Variants in MAML3 observed in about 807,000 individuals in gnomAD.
MAML3 encodes mastermind-like protein 3.
MAML3 carries 27 observed loss-of-function variants against 101.9 expected under a neutral mutation model. The ratio of observed to expected loss-of-function variants is 0.27; its 90% CI spans 0.20 to 0.37. The LOEUF (loss-of-function observed/expected upper bound fraction) is 0.37, where lower values mean the gene tolerates loss of function less well. Among genes scored for constraint, MAML3 ranks in the 10% least tolerant of loss-of-function variants. The pLI is 1.00. For missense variants in MAML3, 1,316 were observed against 1,444.9 expected (o/e 0.91, Z 1.45); for synonymous variants, 501 against 555.9 (o/e 0.90, Z 1.39).
chr4:139,818,604 T>C (rs75227754), intron 2 of MAML3, among the ~76,000 whole-genome samples: 5,956 of 152,262 alleles, frequency 0.039, 172 homozygotes, highest in Middle Eastern at 0.13. Context: ...CATCAAACAC[T>C]ACAGAATACC....
chr4:139,736,215 A>G (rs1314930970), intron 2 of MAML3, among the ~76,000 whole-genome samples: 1 of 152,184 alleles, frequency 6.6e-6, no homozygotes, highest in African/African-American at 2.4e-5. Flanking sequence ...TTTCGACGAA[A>G]TTGTATATAT....
chr4:139,799,786 A>C (rs187431943), intron 2 of MAML3, among the ~76,000 whole-genome samples: 1 of 152,298 alleles, frequency 6.6e-6, no homozygotes, highest in African/African-American at 2.4e-5. Flanking sequence ...TCAAGTGAGG[A>C]GGGCAAGGCA....
intron 1 of MAML3, among the ~76,000 whole-genome samples, chr4:140,107,573 C>T (rs922736543): frequency 6.6e-6 from 1 of 150,990 alleles, no homozygotes; most frequent in Non-Finnish European, 1.5e-5. Flanking sequence ...GGCGCGATCT[C>T]GGCTCACTGC....
At chr4:139,821,608 C>A (rs1017000760) in intron 2 of MAML3, among the ~76,000 whole-genome samples, 5 of 152,156 alleles carry the variant, frequency 3.3e-5, no homozygotes, top group African/African-American at 1.2e-4. Context: ...GTGGGGCACA[C>A]CTTTCTACCA....
At chr4:139,768,809 C>T (rs1405903674) in intron 2 of MAML3, among the ~76,000 whole-genome samples, 2 of 152,180 alleles carry the variant, frequency 1.3e-5, no homozygotes, top group East Asian at 3.9e-4. Context: ...TCTCTTGGAC[C>T]AACAGGAATG....
chr4:139,765,644 T>G (rs918803369), intron 2 of MAML3, among the ~76,000 whole-genome samples: 4 of 152,218 alleles, frequency 2.6e-5, no homozygotes, highest in African/African-American at 4.8e-5. Context: ...AAATCATAGC[T>G]TTTTTATTTG....
intron 2 of MAML3, among the ~76,000 whole-genome samples, chr4:139,754,937 G>A (rs1016314321): frequency 2.0e-5 from 3 of 152,248 alleles, no homozygotes; most frequent in Non-Finnish European, 4.4e-5. Flanking sequence ...AGGCATGGTC[G>A]GCCTCTGTTC....
intron 1 of MAML3, among the ~76,000 whole-genome samples, chr4:140,034,530 C>T (rs74597433): frequency 0.02 from 3,009 of 152,224 alleles, 100 homozygotes; most frequent in African/African-American, 0.068. Flanking sequence ...CTGAGGAGCA[C>T]CTCAACTCCC....
chr4:139,756,910 C>T (rs1292505850), intron 2 of MAML3, among the ~76,000 whole-genome samples: 1 of 152,164 alleles, frequency 6.6e-6, no homozygotes, highest in Non-Finnish European at 1.5e-5. Context: ...CATATGAATG[C>T]ATGACTAAGT....
At chr4:140,151,202 A>AGGGAGGAGGAAGGGGAGGGGG (rs1729159079) in intron 1 of MAML3, among the ~76,000 whole-genome samples, 4 of 150,154 alleles carry the variant, frequency 2.7e-5, no homozygotes, top group African/African-American at 9.7e-5. Flanking sequence ...AGGAGGAGGA[A>AGGGAGGAGGAAGGGGAGGGGG]GGGAGGAGGA....
At chr4:140,090,762 T>C (rs1376570545) in intron 1 of MAML3, among the ~76,000 whole-genome samples, 2 of 152,194 alleles carry the variant, frequency 1.3e-5, no homozygotes, top group African/African-American at 2.4e-5. Context: ...TCTTCAGAAA[T>C]TGGACAGGCC....
Position 139,719,352 on chromosome 4 carries a change from C to T in MAML3, c.3388G>A (p.Glu1130Lys). 1 of 1,603,348 alleles carries T rather than the reference C, an allele frequency of 6.2e-7. No homozygotes were observed. ...GGGTTACCAAACAATTCATCAAGCT[C>T]CTGCATCCACTCGTCCCCTGGCCCG... ...KGGPGDEWMQELDELFGNP is the reference protein window; with the variant it reads ...KGGPGDEWMQKLDELFGNP Residue 1130 changes from glutamate to lysine, a missense_variant, in exon 5 of 5, where the codon GAG (glutamate) becomes AAG (lysine). Transcript: ENST00000509479.
At chr4:140,144,295 C>G (rs930327167) in intron 1 of MAML3, among the ~76,000 whole-genome samples, 1 of 152,008 alleles carries the variant, frequency 6.6e-6, no homozygotes, top group African/African-American at 2.4e-5. Flanking sequence ...GCCTGTAATC[C>G]CAACACTTTG....
At chr4:139,849,516 G>A (rs535708254) in intron 2 of MAML3, among the ~76,000 whole-genome samples, 149 of 152,246 alleles carry the variant, frequency 9.8e-4, no homozygotes, top group African/African-American at 3.4e-3. Context: ...TGGGGTTGGC[G>A]CTCCCCAGTT....
intron 1 of MAML3, among the ~76,000 whole-genome samples, chr4:140,096,626 G>C (rs2204059): frequency 0.36 from 55,328 of 151,950 alleles, 10,418 homozygotes; most frequent in East Asian, 0.48. Context: ...GCAAGAGGCT[G>C]CTGGGGACTG....
chr4:140,058,358 C>G (rs897823963), intron 1 of MAML3, among the ~76,000 whole-genome samples: 16 of 151,858 alleles, frequency 1.1e-4, no homozygotes, highest in Middle Eastern at 6.8e-3. Context: ...TCCCAATGTG[C>G]TAGGATTACA....
At chr4:139,894,950 A>G (rs931874868) in intron 1 of MAML3, among the ~76,000 whole-genome samples, 5 of 152,262 alleles carry the variant, frequency 3.3e-5, no homozygotes, top group Non-Finnish European at 1.5e-5. Context: ...CCTTCAAAAC[A>G]TAAGCATTTG....
intron 1 of MAML3, among the ~76,000 whole-genome samples, chr4:139,960,023 C>T (rs973318099): frequency 2.0e-5 from 3 of 152,076 alleles, no homozygotes; most frequent in Non-Finnish European, 4.4e-5. Flanking sequence ...CTGGAGAGAA[C>T]CACAGAGATC....
intron 1 of MAML3, among the ~76,000 whole-genome samples, chr4:140,097,032 C>A (rs1363064362): frequency 1.3e-5 from 2 of 152,120 alleles, no homozygotes; most frequent in Admixed American, 6.6e-5. Context: ...ACGGCACAGG[C>A]CTTGCCCACC....
Sources: allele counts gnomAD v4.1 joint callset (sites outside exome capture counted in the v4.1 genomes callset), GRCh38; gene constraint gnomAD v4.1.1; transcripts MANE v1.5; gene names NCBI Gene and HGNC (gene_info 2026-07-23, HGNC 2026-07-21).